The following MGAT3 variants were observed in gnomAD, a reference collection of about 807,000 sequenced individuals.
The protein encoded by MGAT3 is beta-1,4-mannosyl-glycoprotein 4-beta-N-acetylglucosaminyltransferase.
In MGAT3, 9 loss-of-function variants were observed where a neutral mutation model predicts 29.8. That is an observed-to-expected ratio of 0.30 (90% CI 0.18 to 0.53). The LOEUF (loss-of-function observed/expected upper bound fraction) is 0.53. MGAT3 is among the 20% of genes least tolerant of loss of function. The pLI is 0.96. For synonymous variants in MGAT3, 397 were observed against 348.9 expected (o/e 1.14, Z -1.54); for missense variants, 557 against 769.5 (o/e 0.72, Z 3.27).
chr22:39,477,605 A>G (rs1235231117), intron 1 of MGAT3: 1 of 152,004 alleles, frequency 6.6e-6, no homozygotes, highest in Non-Finnish European at 1.5e-5. Flanking sequence ...GCCAGGCTCC[A>G]TGCAGAATGC....
chr22:39,489,491 C>A lies in MGAT3; in HGVS notation c.*542C>A, dbSNP rs1929393520. 1.1e-5 allele frequency: 2 copies of A among 176,256 alleles called. No homozygotes were observed. The highest frequency in any genetic ancestry group is 1.2e-4 in the Admixed American group (2 of 17,140). The allele number at this position is 176,256 out of a possible 1,614,324, so 10.9% of individuals were successfully genotyped here. On this transcript the variant is annotated 3_prime_UTR_variant, in exon 2 of 2. Transcript: ENST00000341184. The stretch of plus-strand genomic sequence containing the variant: ...AGCCACATCCTACCAAGAGGAGGTG[C>A]TGAGGGATGCTTTGCAGTGTAGTCA...
At chr22:39,482,765 GT>G (rs1929162618) in intron 1 of MGAT3, among the ~76,000 whole-genome samples, 1 of 152,218 alleles carries the variant, frequency 6.6e-6, no homozygotes, top group African/African-American at 2.4e-5. Context: ...TGACCACTGT[GT>G]GCTTCTGAGC....
chr22:39,474,676 TAAAGA>T (rs1763166592), intron 1 of MGAT3, among the ~76,000 whole-genome samples: 1 of 152,212 alleles, frequency 6.6e-6, no homozygotes, highest in Non-Finnish European at 1.5e-5. Context: ...CCCTGAGAGA[TAAAGA>T]GCCCTGTGCC....
chr22:39,460,409 C>A (rs2145707278), intron 1 of MGAT3, among the ~76,000 whole-genome samples: 1 of 152,312 alleles, frequency 6.6e-6, no homozygotes, highest in Middle Eastern at 3.4e-3. Context: ...GATTCCAGAT[C>A]TAGTGGCCCG....
chr22:39,488,857 G>C lies in MGAT3; in HGVS notation c.1510G>C (p.Glu504Gln), dbSNP rs764978805. The C allele has an allele frequency of 1.2e-6, 2 of 1,606,998 alleles. No individual in the cohort carries two copies. The highest frequency in any genetic ancestry group is 2.2e-5 in the East Asian group (1 of 44,594). Residue 504 changes from glutamate to glutamine, a missense_variant, in exon 2 of 2, where the codon GAG (glutamate) becomes CAG (glutamine). Glu to Gln is a conservative substitution (Grantham distance 29). Coordinates refer to ENST00000341184, the MANE Select transcript of MGAT3 (RefSeq NM_002409.5). ...FHYLLDNPYQ[E>Q]PRSTAAGGWR... ...CTACCTGCTGGACAACCCCTACCAG[G>C]AGCCCAGGAGCACGGCGGCGGGCGG...
chr22:39,477,028 C>G (rs1010564672), intron 1 of MGAT3, among the ~76,000 whole-genome samples: 1 of 152,152 alleles, frequency 6.6e-6, no homozygotes, highest in African/African-American at 2.4e-5. Flanking sequence ...AAACCTCAAG[C>G]TGCATTTAGT....
At chr22:39,471,210 C>G (rs1928800521) in intron 1 of MGAT3, among the ~76,000 whole-genome samples, 1 of 152,178 alleles carries the variant, frequency 6.6e-6, no homozygotes, top group South Asian at 2.1e-4. Context: ...GGCTCCTTCC[C>G]TTCTCTTGTC....
chr22:39,467,497 T>C (rs1271660779), intron 1 of MGAT3, among the ~76,000 whole-genome samples: 2 of 151,460 alleles, frequency 1.3e-5, no homozygotes, highest in East Asian at 3.9e-4. Flanking sequence ...CCCCAAAGAG[T>C]GATGAGGCTA....
At chr22:39,481,381 G>C (rs562101419) in intron 1 of MGAT3, among the ~76,000 whole-genome samples, 8 of 152,312 alleles carry the variant, frequency 5.3e-5, no homozygotes, top group African/African-American at 1.9e-4. Context: ...CTTTGGGCGC[G>C]CAGTTTTCTG....
intron 1 of MGAT3, among the ~76,000 whole-genome samples, chr22:39,471,548 G>A (rs1247597414): frequency 2.0e-5 from 3 of 150,278 alleles, no homozygotes; most frequent in Non-Finnish European, 4.4e-5. Flanking sequence ...TCCTTCCTTC[G>A]CCCTCCCAGC....
At chr22:39,477,874 A>T (rs1459293497) in intron 1 of MGAT3, 2 of 152,250 alleles carry the variant, frequency 1.3e-5, no homozygotes, top group Non-Finnish European at 2.9e-5. Context: ...CTCAACTCTC[A>T]CAACAACCCT....
At chr22:39,478,412 C>G (rs1447245743) in intron 1 of MGAT3, among the ~76,000 whole-genome samples, 1 of 152,214 alleles carries the variant, frequency 6.6e-6, no homozygotes, top group Admixed American at 6.5e-5. Flanking sequence ...GTGGCTGTCC[C>G]CCAGCTGAAG....
intron 1 of MGAT3, among the ~76,000 whole-genome samples, chr22:39,484,790 G>C (rs900989727): frequency 1.3e-5 from 2 of 151,930 alleles, no homozygotes; most frequent in Non-Finnish European, 2.9e-5. Context: ...ATCACTTGAG[G>C]TCAGGAGTTC....
chr22:39,475,615 C>T (rs998793923), intron 1 of MGAT3, among the ~76,000 whole-genome samples: 1 of 152,186 alleles, frequency 6.6e-6, no homozygotes, highest in Non-Finnish European at 1.5e-5. Flanking sequence ...CATCACGGGC[C>T]GTCTCTCAGG....
At chr22:39,461,958 G>A (rs1401386860) in intron 1 of MGAT3, among the ~76,000 whole-genome samples, 1 of 151,338 alleles carries the variant, frequency 6.6e-6, no homozygotes, top group Admixed American at 6.6e-5. Context: ...CTGGAGTGCA[G>A]TGGCATGATC....
intron 1 of MGAT3, among the ~76,000 whole-genome samples, chr22:39,475,130 T>C (rs1257537010): frequency 2.7e-5 from 1 of 37,104 alleles, no homozygotes; most frequent in Admixed American, 3.8e-4. Flanking sequence ...TTGCCAGGCT[T>C]TTTTTTTTTT....
intron 1 of MGAT3, among the ~76,000 whole-genome samples, chr22:39,469,917 G>C (rs1049109034): frequency 6.6e-5 from 10 of 152,246 alleles, no homozygotes; most frequent in African/African-American, 2.2e-4. Context: ...CAGGGGAGGA[G>C]CGCCTGTCAG....
chr22:39,483,201 A>T (rs373410941), intron 1 of MGAT3, among the ~76,000 whole-genome samples: 19 of 152,178 alleles, frequency 1.2e-4, no homozygotes, highest in African/African-American at 4.3e-4. Flanking sequence ...GTACAGAAAA[A>T]TAGCCCACTA....
Position 39,487,610 on chromosome 22 carries a change from A to G in MGAT3, c.263A>G (p.Lys88Arg). The G allele has an allele frequency of 6.2e-7, 1 of 1,611,574 alleles. No homozygotes were observed. The highest frequency in any genetic ancestry group is 8.5e-7 in the Non-Finnish European group (1 of 1,179,248). The stretch of plus-strand genomic sequence containing the variant: ...CTGCTGCAGCCGCTGCCGCCCAGCA[A>G]GGCGGCCGAGGAGCTCCACCGGGTG... ...SPLLQPLPPSKAAEELHRVDL... is the reference protein window; with the variant it reads ...SPLLQPLPPSRAAEELHRVDL... Residue 88 changes from lysine (K) to arginine (R), a missense_variant, in exon 2 of 2, where the codon AAG (lysine) becomes AGG (arginine). Physicochemically the swap from Lys to Arg is conservative, Grantham distance 26. This residue lies in a region of MGAT3 where 212 missense variants were observed against 228.5 expected (regional missense o/e 0.93). Coordinates refer to ENST00000341184, the MANE Select transcript of MGAT3 (RefSeq NM_002409.5). The surrounding 1 kb of genome is among the most constrained non-coding windows in gnomAD (Gnocchi z 5.7).
Sources: gnomAD v4.1 joint callset for allele counts (sites outside exome capture counted in the v4.1 genomes callset) on GRCh38, gnomAD v4.1.1 for gene constraint, gnomAD v4.1.1 regional missense constraint, Gnocchi (gnomAD v3.1) non-coding constraint, MANE v1.5 for transcripts, NCBI Gene and HGNC (gene_info 2026-07-23, HGNC 2026-07-21) for gene names.